Variants in AGBL4 observed in about 807,000 individuals in gnomAD.
AGBL4 encodes the protein AGBL carboxypeptidase 4.
In AGBL4, 58 loss-of-function variants were observed where a neutral mutation model predicts 66.4. The observed-to-expected ratio is 0.87, with a 90% CI of 0.71 to 1.09. AGBL4 has a LOEUF of 1.09. Among genes scored for constraint, AGBL4 ranks in the 50% least tolerant of loss-of-function variants. AGBL4 has a pLI of 0.00. For missense variants in AGBL4, 579 were observed against 631.0 expected (o/e 0.92, Z 0.88); for synonymous variants, 234 against 222.9 (o/e 1.05, Z -0.44).
At chr1:49,644,094 G>A (rs1645837172) in intron 3 of AGBL4, among the ~76,000 whole-genome samples, 1 of 151,478 alleles carries the variant, frequency 6.6e-6, no homozygotes, top group South Asian at 2.1e-4. Context: ...ATTCTTGTGA[G>A]GTTGTTATAA....
chr1:49,756,747 T>G (rs899312985), intron 2 of AGBL4, among the ~76,000 whole-genome samples: 3 of 152,334 alleles, frequency 2.0e-5, no homozygotes, highest in Middle Eastern at 3.4e-3. Flanking sequence ...TGCTTGGCAC[T>G]TCTCCTTCTT....
chr1:49,567,405 T>C (rs1379111302), intron 3 of AGBL4, among the ~76,000 whole-genome samples: 1 of 152,208 alleles, frequency 6.6e-6, no homozygotes, highest in Non-Finnish European at 1.5e-5. Flanking sequence ...TGCTGGGTGC[T>C]GTAGACTGGA....
At chr1:49,884,538 G>A (rs1431941594) in intron 1 of AGBL4, among the ~76,000 whole-genome samples, 1 of 151,834 alleles carries the variant, frequency 6.6e-6, no homozygotes, top group African/African-American at 2.4e-5. Flanking sequence ...GAAAAGTAAT[G>A]TAAAGTAACA....
intron 4 of AGBL4, among the ~76,000 whole-genome samples, chr1:49,238,521 C>T (rs1489436354): frequency 1.3e-5 from 2 of 152,072 alleles, no homozygotes; most frequent in African/African-American, 4.8e-5. Context: ...TCTGACACCA[C>T]GAAGAGGAAG....
rs796831770 is a variant in AGBL4 at position 49,910,657 on chromosome 1, T to TA, written c.35-59140dup. On this transcript the variant is annotated intron_variant, in intron 1 of 13. Coordinates refer to ENST00000371839, the MANE Select transcript of AGBL4 (RefSeq NM_032785.4). Reference sequence around the variant, plus strand: ...AAGTGACAATGAGATGAATGAAGAATAAAAAAAAAAAGAAAAAGAAAAAAG... The same window carrying TA: ...AAGTGACAATGAGATGAATGAAGAATAAAAAAAAAAAAGAAAAAGAAAAAAG... Among the ~76,000 whole-genome samples, 155 of 132,358 alleles carry TA rather than the reference T, an allele frequency of 1.2e-3. 1 individual carries two copies. The highest frequency in any genetic ancestry group is 7.6e-3 in the Middle Eastern group (2 of 264). The allele number at this position is 132,358 out of a possible 152,430, so 86.8% of individuals were successfully genotyped here.
At chr1:49,765,143 A>G (rs995958541) in intron 2 of AGBL4, among the ~76,000 whole-genome samples, 8 of 152,098 alleles carry the variant, frequency 5.3e-5, no homozygotes, top group Non-Finnish European at 1.2e-4. Context: ...CCCCCCATGG[A>G]ACAGGAAGCT....
chr1:49,573,632 A>G (rs971286100), intron 3 of AGBL4, among the ~76,000 whole-genome samples: 7 of 152,182 alleles, frequency 4.6e-5, no homozygotes, highest in African/African-American at 1.7e-4. Context: ...AAATCTGCTA[A>G]GATTGCCCTG....
chr1:48,975,190 G>C (rs940901141), intron 5 of AGBL4, among the ~76,000 whole-genome samples: 6 of 152,090 alleles, frequency 3.9e-5, no homozygotes, highest in Non-Finnish European at 8.8e-5. Flanking sequence ...AAAATAAGTT[G>C]CTATATTTTG....
intron 2 of AGBL4, among the ~76,000 whole-genome samples, chr1:49,766,876 AG>A (rs149341104): frequency 0.015 from 2,331 of 152,240 alleles, 66 homozygotes; most frequent in African/African-American, 0.054. Context: ...GTAATTTAAA[AG>A]GGTTCAATTC....
chr1:49,260,778 A>G (rs1374650421), intron 3 of AGBL4, among the ~76,000 whole-genome samples: 1 of 152,126 alleles, frequency 6.6e-6, no homozygotes, highest in Non-Finnish European at 1.5e-5. Context: ...AATCAATAGA[A>G]AAAGAGGGAA....
intron 11 of AGBL4, among the ~76,000 whole-genome samples, chr1:48,579,437 C>T (rs1644702730): frequency 1.3e-5 from 2 of 151,228 alleles, no homozygotes; most frequent in Non-Finnish European, 2.9e-5. Context: ...GATGGCGTTT[C>T]ACCATGTTGG....
chr1:49,391,765 G>A (rs1042950500), intron 3 of AGBL4, among the ~76,000 whole-genome samples: 1 of 151,938 alleles, frequency 6.6e-6, no homozygotes, highest in Non-Finnish European at 1.5e-5. Flanking sequence ...GTTTCACTGT[G>A]TTAGCCAGGA....
chr1:48,663,350 T>C, intron 6 of AGBL4, 109 bp from the exon 7 acceptor site: 1 of 985,554 alleles, frequency 1.0e-6, no homozygotes, highest in East Asian at 2.4e-5. Context: ...GTTTTACATT[T>C]ACCTCTTAAA....
At chr1:49,562,189 T>G (rs376243067) in intron 3 of AGBL4, among the ~76,000 whole-genome samples, 1 of 152,146 alleles carries the variant, frequency 6.6e-6, no homozygotes, top group Non-Finnish European at 1.5e-5. Flanking sequence ...TTTGAGTTCA[T>G]TGTAGATTCT....
chr1:48,884,453 G>T (rs112329939), intron 5 of AGBL4, among the ~76,000 whole-genome samples: 58 of 151,852 alleles, frequency 3.8e-4, no homozygotes, highest in African/African-American at 1.3e-3. Flanking sequence ...CACAGTAGGT[G>T]ATCACAAAAT....
chr1:48,921,956 G>A (rs959920670), intron 5 of AGBL4, among the ~76,000 whole-genome samples: 7 of 152,062 alleles, frequency 4.6e-5, no homozygotes, highest in African/African-American at 1.2e-4. Context: ...AACAATATAC[G>A]TGGAACATTT....
intron 3 of AGBL4, among the ~76,000 whole-genome samples, chr1:49,286,140 A>G (rs1045214587): frequency 2.1e-4 from 32 of 152,160 alleles, no homozygotes; most frequent in Admixed American, 9.8e-4. Context: ...ATGCAGAAAA[A>G]GCCTTTGACA....
intron 6 of AGBL4, chr1:48,776,802 G>T: frequency 1.3e-6 from 2 of 1,524,044 alleles, no homozygotes; most frequent in Non-Finnish European, 1.8e-6. Context: ...AGCAGACGTT[G>T]TCCTCCAGGA....
At chr1:49,298,503 A>C (rs753375610) in intron 3 of AGBL4, among the ~76,000 whole-genome samples, 1 of 152,218 alleles carries the variant, frequency 6.6e-6, no homozygotes, top group East Asian at 1.9e-4. Flanking sequence ...CAAGCTGGCC[A>C]GGCTCCAAGG....
Sources: allele counts gnomAD v4.1 joint callset (sites outside exome capture counted in the v4.1 genomes callset), GRCh38; gene constraint gnomAD v4.1.1; transcripts MANE v1.5; gene names NCBI Gene and HGNC (gene_info 2026-07-23, HGNC 2026-07-21).